The following PDCD6 variants were observed in gnomAD, a reference collection of about 807,000 sequenced individuals.
The protein encoded by PDCD6 is programmed cell death protein 6.
PDCD6 carries 12 observed loss-of-function variants against 28.3 expected under a neutral mutation model. The observed-to-expected ratio is 0.42, with a 90% CI of 0.27 to 0.69. The LOEUF is 0.69. Among genes scored for constraint, PDCD6 ranks in the 30% least tolerant of loss-of-function variants. PDCD6 has a pLI of 0.22. For missense variants in PDCD6, 226 were observed against 269.9 expected (o/e 0.84, Z 1.14); for synonymous variants, 92 against 108.0 (o/e 0.85, Z 0.92).
intron 4 of PDCD6, among the ~76,000 whole-genome samples, chr5:306,989 G>A (rs571588726): frequency 9.2e-5 from 14 of 152,338 alleles, no homozygotes; most frequent in Non-Finnish European, 1.5e-4. Flanking sequence ...TATGCAAGCC[G>A]TTCATCTTTT....
chr5:306,454 T>A (rs1740490223), intron 3 of PDCD6, 148 bp from the exon 4 acceptor site: 1 of 691,108 alleles, frequency 1.4e-6, no homozygotes, highest in Non-Finnish European at 2.6e-6. Flanking sequence ...TTTCACCCCA[T>A]TCACAGACAG....
At chr5:299,800 T>C (rs151156530) in intron 2 of PDCD6, among the ~76,000 whole-genome samples, 6,985 of 152,274 alleles carry the variant, frequency 0.046, 171 homozygotes, top group Middle Eastern at 0.13. Flanking sequence ...CCGCCCGCCT[T>C]GGCCTCCCAA....
In PDCD6 at chr5:291,247, C is replaced by T. The variant is rs568793947; in HGVS notation, c.164-12930C>T. Among the ~76,000 whole-genome samples, 347 of 152,230 alleles carry T rather than the reference C, an allele frequency of 2.3e-3. 1 individual carries two copies. The highest frequency in any genetic ancestry group is 3.8e-3 in the Non-Finnish European group (258 of 68,000). ...TGAACTTTCTGTTTTCTTTTTGAGG[C>T]AGGGTCTTGCTCTGTTGCCTCGGCT... On this transcript the variant is annotated intron_variant, in intron 2 of 5. Coordinates refer to ENST00000264933, the MANE Select transcript of PDCD6 (RefSeq NM_013232.4).
intron 2 of PDCD6, among the ~76,000 whole-genome samples, chr5:274,728 G>A (rs1021644214): frequency 8.5e-5 from 13 of 152,256 alleles, no homozygotes; most frequent in Admixed American, 1.3e-4. Context: ...GTTTGGGGGT[G>A]GGGGAGACAC....
chr5:287,293 G>T (rs10062362), intron 2 of PDCD6, among the ~76,000 whole-genome samples: 2 of 151,916 alleles, frequency 1.3e-5, no homozygotes, highest in Non-Finnish European at 2.9e-5. Flanking sequence ...TCTGAAGTTC[G>T]TGGAGCTAAA....
At chr5:299,739 T>G (rs192693096) in intron 2 of PDCD6, among the ~76,000 whole-genome samples, 9 of 152,250 alleles carry the variant, frequency 5.9e-5, no homozygotes, top group Non-Finnish European at 7.4e-5. Flanking sequence ...TTAGTAGAGA[T>G]GGGGTTTCAC....
At chr5:275,354 TCA>T (rs1738121227) in intron 2 of PDCD6, among the ~76,000 whole-genome samples, 1 of 152,338 alleles carries the variant, frequency 6.6e-6, no homozygotes, top group East Asian at 1.9e-4. Flanking sequence ...GCTTTCGGGC[TCA>T]CACACCTGCT....
intron 2 of PDCD6, chr5:289,476 C>T: frequency 5.6e-6 from 4 of 713,122 alleles, no homozygotes; most frequent in East Asian, 4.9e-5. Context: ...TGTCTTTATC[C>T]TGAGATGAAG....
At chr5:289,982 A>G in intron 2 of PDCD6, 1 of 1,599,626 alleles carries the variant, frequency 6.3e-7, no homozygotes, top group African/African-American at 1.3e-5. Context: ...GTTCCTGTAT[A>G]GTTTCTCCTT....
At chr5:282,841 G>GCCCA (rs1195766441) in intron 2 of PDCD6, among the ~76,000 whole-genome samples, 31 of 129,976 alleles carry the variant, frequency 2.4e-4, no homozygotes, top group African/African-American at 6.8e-4. Context: ...CTGCAGACGT[G>GCCCA]GAGAAGAGCT....
chr5:289,232 T>A, intron 2 of PDCD6: 1 of 623,190 alleles, frequency 1.6e-6, no homozygotes. Flanking sequence ...TGAATTCTGA[T>A]GTTCTATAAT....
intron 2 of PDCD6, among the ~76,000 whole-genome samples, chr5:275,394 C>G (rs1364379150): frequency 1.3e-5 from 2 of 152,228 alleles, no homozygotes; most frequent in African/African-American, 2.4e-5. Flanking sequence ...AATGGCCACC[C>G]CATTTCTCCT....
In PDCD6 at chr5:305,891, A is replaced by T. The variant is rs1740447243; in HGVS notation, c.209-711A>T. On this transcript the variant is annotated intron_variant, in intron 3 of 5. Transcript: ENST00000264933. The surrounding 1 kb of genome is among the most constrained non-coding windows in gnomAD (Gnocchi z 4.0). The stretch of plus-strand genomic sequence containing the variant: ...TTAATTGTAACATATTTCTGATCAA[A>T]CCAGGAGTAGTCTTATTGCAGTCCT... The T allele has an allele frequency of 6.6e-6, 1 of 152,276 alleles. No homozygotes were observed. The highest frequency in any genetic ancestry group is 2.4e-5 in the African/African-American group (1 of 41,440). 9.4% of individuals were successfully genotyped at this position (152,276 alleles called of 1,614,324 possible). A position where few individuals can be genotyped will look rare whatever the true frequency, so the allele number is the denominator to read the frequency against.
intron 1 of PDCD6, among the ~76,000 whole-genome samples, chr5:272,142 G>C (rs902236310): frequency 6.6e-6 from 1 of 151,164 alleles, no homozygotes; most frequent in East Asian, 1.9e-4. Flanking sequence ...CGCCACTGCA[G>C]ACCCGAGGTC....
At chr5:278,847 GCGGGGGAGGGTGCTGGGGACA>G (rs1738379540) in intron 2 of PDCD6, among the ~76,000 whole-genome samples, 2 of 147,898 alleles carry the variant, frequency 1.4e-5, no homozygotes, top group Middle Eastern at 3.5e-3. Flanking sequence ...TGCTGGGGAT[GCGGGGGAGGGTGCTGGGGACA>G]CGGGAGGGGC....
chr5:299,509 G>A (rs1739884379), intron 2 of PDCD6, among the ~76,000 whole-genome samples: 1 of 151,352 alleles, frequency 6.6e-6, no homozygotes, highest in South Asian at 2.1e-4. Flanking sequence ...CTGTGCTTCT[G>A]AAGCTGTACT....
intron 2 of PDCD6, among the ~76,000 whole-genome samples, chr5:286,205 G>A (rs544695942): frequency 1.1e-4 from 16 of 145,984 alleles, no homozygotes; most frequent in East Asian, 4.3e-4. Context: ...CTGATGTTCC[G>A]GTTTGAGGGT....
At chr5:276,613 A>T in intron 2 of PDCD6, 3 of 981,530 alleles carry the variant, frequency 3.1e-6, no homozygotes, top group Non-Finnish European at 3.6e-6. Context: ...TTTCTATAAT[A>T]ATTGTGCTCC....
At chr5:272,163 G>A (rs1228725458) in intron 1 of PDCD6, among the ~76,000 whole-genome samples, 2 of 150,566 alleles carry the variant, frequency 1.3e-5, no homozygotes, top group Non-Finnish European at 2.9e-5. Flanking sequence ...GCGGCCACCG[G>A]CTCCTGGGCT....
Sources: allele counts gnomAD v4.1 joint callset (sites outside exome capture counted in the v4.1 genomes callset), GRCh38; gene constraint gnomAD v4.1.1; non-coding constraint Gnocchi (gnomAD v3.1); transcripts MANE v1.5; gene names NCBI Gene and HGNC (gene_info 2026-07-23, HGNC 2026-07-21).